Variants in EEF1AKMT1 observed in about 807,000 individuals in gnomAD.
EEF1AKMT1 encodes the protein EEF1A lysine methyltransferase 1.
Under a neutral mutation model 21.0 loss-of-function variants are expected in EEF1AKMT1, and 18 were observed. The ratio of observed to expected loss-of-function variants is 0.86; its 90% CI spans 0.59 to 1.27. The LOEUF (loss-of-function observed/expected upper bound fraction) is 1.27. Among genes scored for constraint, EEF1AKMT1 ranks in the 50% most tolerant of loss-of-function variants. The pLI is 0.00. For missense variants in EEF1AKMT1, 246 were observed against 258.6 expected, an observed-to-expected ratio of 0.95 and a Z score of 0.33; for synonymous variants, 109 against 94.8, an observed-to-expected ratio of 1.15 and a Z score of -0.87.
At chr13:20,769,973 G>A (rs896852992) in intron 1 of EEF1AKMT1, among the ~76,000 whole-genome samples, 1 of 152,038 alleles carries the variant, frequency 6.6e-6, no homozygotes, top group Admixed American at 6.6e-5. Flanking sequence ...AAACATAAAA[G>A]GAGACTAAGT....
At chr13:20,755,158 A>G (rs1272841127) in intron 2 of EEF1AKMT1, among the ~76,000 whole-genome samples, 1 of 152,194 alleles carries the variant, frequency 6.6e-6, no homozygotes, top group Non-Finnish European at 1.5e-5. Flanking sequence ...TGATCCTGCT[A>G]CTACTGGCAG....
At position 20,731,887 on chromosome 13, in the gene EEF1AKMT1, C is replaced by T. The variant is rs142311304; in HGVS notation, c.462G>A (p.Ser154=). ...YLSEECLRKT[S]ETVKYLTRGK... The stretch of plus-strand genomic sequence containing the variant: ...CCCGCGTCAGGTACTTGACGGTTTC[C>T]GATGTTTTTCTGAGACATTCCTCCG... The change falls in exon 4 of 5, where the codon TCG becomes TCA. Residue 154 remains serine, a synonymous_variant. Transcript: ENST00000382758. 383 of 1,613,972 alleles carry T rather than the reference C, an allele frequency of 2.4e-4. No homozygotes were observed. Among genetic ancestry groups the T allele is most frequent in the Non-Finnish European group, 3.0e-4 (357 of 1,180,014 alleles).
intron 2 of EEF1AKMT1, among the ~76,000 whole-genome samples, chr13:20,748,308 C>T (rs1283875433): frequency 6.6e-6 from 1 of 151,920 alleles, no homozygotes; most frequent in African/African-American, 2.4e-5. Context: ...TGGTGGCGGG[C>T]GCCTGTAGTC....
chr13:20,737,552 A>G (rs2058833240), intron 3 of EEF1AKMT1, among the ~76,000 whole-genome samples, 171 bp downstream of exon 3: 1 of 152,242 alleles, frequency 6.6e-6, no homozygotes. Context: ...TAGGTTTCTG[A>G]GTGGGTCTCT....
intron 2 of EEF1AKMT1, among the ~76,000 whole-genome samples, chr13:20,748,211 C>A (rs1301711330): frequency 1.3e-5 from 2 of 152,046 alleles, no homozygotes; most frequent in Non-Finnish European, 2.9e-5. Context: ...CCGAGGCGGG[C>A]GGACCATGAG....
chr13:20,744,322 T>G (rs1308145311), intron 2 of EEF1AKMT1, among the ~76,000 whole-genome samples: 1 of 152,238 alleles, frequency 6.6e-6, no homozygotes, highest in East Asian at 1.9e-4. Flanking sequence ...GCATTCCTAT[T>G]TCTCCACAGC....
At chr13:20,771,414 A>C (rs542291229) in intron 1 of EEF1AKMT1, among the ~76,000 whole-genome samples, 52 of 152,338 alleles carry the variant, frequency 3.4e-4, no homozygotes, top group African/African-American at 1.2e-3. Flanking sequence ...AAGTATAAAG[A>C]GTACCAAATC....
intron 1 of EEF1AKMT1, among the ~76,000 whole-genome samples, chr13:20,772,454 A>G (rs2059067474): frequency 6.6e-6 from 1 of 152,140 alleles, no homozygotes; most frequent in South Asian, 2.1e-4. Flanking sequence ...TCAGGTGGGT[A>G]GAGGCTGCTG....
At chr13:20,732,443 T>C (rs1220615183) in intron 3 of EEF1AKMT1, among the ~76,000 whole-genome samples, 1 of 152,196 alleles carries the variant, frequency 6.6e-6, no homozygotes, top group Non-Finnish European at 1.5e-5. Context: ...GCTATTCTCC[T>C]GCTATTCCTC....
intron 2 of EEF1AKMT1, among the ~76,000 whole-genome samples, chr13:20,746,176 G>T (rs2058903042): frequency 6.6e-6 from 1 of 150,658 alleles, no homozygotes; most frequent in Admixed American, 6.6e-5. Flanking sequence ...TTTTTAGACA[G>T]AGTCTCACTC....
At chr13:20,744,936 T>C (rs368334576) in intron 2 of EEF1AKMT1, among the ~76,000 whole-genome samples, 3 of 152,236 alleles carry the variant, frequency 2.0e-5, no homozygotes, top group East Asian at 3.8e-4. Flanking sequence ...CTTTATTAAA[T>C]AGGGAATCCT....
chr13:20,761,923 C>T (rs1417373052), intron 1 of EEF1AKMT1, among the ~76,000 whole-genome samples: 1 of 152,044 alleles, frequency 6.6e-6, no homozygotes, highest in African/African-American at 2.4e-5. Flanking sequence ...ACAGTGAGAC[C>T]TTGTCTCTAC....
intron 2 of EEF1AKMT1, among the ~76,000 whole-genome samples, chr13:20,743,659 CTT>C (rs558443843): frequency 1.1e-4 from 14 of 123,646 alleles, no homozygotes; most frequent in African/African-American, 3.8e-4. Flanking sequence ...TGACCTTGTG[CTT>C]TTTTTTTTTT....
intron 1 of EEF1AKMT1, among the ~76,000 whole-genome samples, chr13:20,763,057 G>A (rs961124615): frequency 5.9e-5 from 9 of 151,972 alleles, no homozygotes; most frequent in Non-Finnish European, 7.4e-5. Context: ...CTAATATTTT[G>A]CTGAGGATTT....
intron 3 of EEF1AKMT1, among the ~76,000 whole-genome samples, chr13:20,736,924 G>A (rs1233298497): frequency 6.6e-6 from 1 of 150,986 alleles, no homozygotes; most frequent in Non-Finnish European, 1.5e-5. Context: ...CATAGAGAAA[G>A]GGTTTCACCA....
chr13:20,772,066 A>G (rs2059065601), intron 1 of EEF1AKMT1, among the ~76,000 whole-genome samples: 2 of 151,920 alleles, frequency 1.3e-5, no homozygotes, highest in Non-Finnish European at 2.9e-5. Context: ...TTAAATCACT[A>G]TTTTATCATA....
chr13:20,733,279 A>T (rs1304615855), intron 3 of EEF1AKMT1, among the ~76,000 whole-genome samples: 1 of 152,140 alleles, frequency 6.6e-6, no homozygotes, highest in Non-Finnish European at 1.5e-5. Context: ...TAATTTTAGC[A>T]GAGACGGGGT....
At chr13:20,763,341 A>G (rs907708287) in intron 1 of EEF1AKMT1, among the ~76,000 whole-genome samples, 2 of 151,910 alleles carry the variant, frequency 1.3e-5, no homozygotes, top group African/African-American at 4.8e-5. Flanking sequence ...CATTGTAATT[A>G]TATCTGGAGA....
chr13:20,739,757 G>A (rs1174297091), intron 2 of EEF1AKMT1, among the ~76,000 whole-genome samples: 3 of 151,992 alleles, frequency 2.0e-5, no homozygotes, highest in African/African-American at 7.2e-5. Flanking sequence ...TGATTGGTGT[G>A]TTTACAATCT....
Sources: gnomAD v4.1 joint callset for allele counts (sites outside exome capture counted in the v4.1 genomes callset) on GRCh38, gnomAD v4.1.1 for gene constraint, MANE v1.5 for transcripts, NCBI Gene and HGNC (gene_info 2026-07-23, HGNC 2026-07-21) for gene names.